FAT3: variants seen among roughly 807,000 people sequenced by gnomAD.
The protein encoded by FAT3 is protocadherin Fat 3.
In FAT3, 95 loss-of-function variants were observed where a neutral mutation model predicts 310.2. That is an observed-to-expected ratio of 0.31 (90% CI 0.26 to 0.36). The LOEUF (loss-of-function observed/expected upper bound fraction) is 0.36, where lower values mean the gene tolerates loss of function less well. Among genes scored for constraint, FAT3 ranks in the 10% least tolerant of loss-of-function variants. The pLI is 1.00. For missense variants in FAT3, 5,408 were observed against 5,715.6 expected (o/e 0.95, Z 1.74); for synonymous variants, 2,314 against 2,192.9 (o/e 1.06, Z -1.54).
At chr11:92,530,519 G>A (rs1954030483) in intron 3 of FAT3, among the ~76,000 whole-genome samples, 1 of 151,990 alleles carries the variant, frequency 6.6e-6, no homozygotes, top group Admixed American at 6.6e-5. Context: ...ATCAAGTGGA[G>A]AAAAATGAAA....
intron 3 of FAT3, among the ~76,000 whole-genome samples, chr11:92,671,001 C>G (rs577993831): frequency 7.9e-4 from 120 of 152,146 alleles, no homozygotes; most frequent in African/African-American, 2.7e-3. Flanking sequence ...GCCCTCCAGC[C>G]TCATCTGACA....
intron 4 of FAT3, among the ~76,000 whole-genome samples, chr11:92,697,763 G>T (rs1943983710): frequency 6.6e-6 from 1 of 152,144 alleles, no homozygotes; most frequent in African/African-American, 2.4e-5. Flanking sequence ...GTGAGCCACG[G>T]GGGCCACAGA....
chr11:92,871,093 T>A (rs1949378310), intron 22 of FAT3, among the ~76,000 whole-genome samples: 1 of 152,166 alleles, frequency 6.6e-6, no homozygotes, highest in East Asian at 1.9e-4. Flanking sequence ...AAGGTTATAG[T>A]GAGCTATGAC....
At chr11:92,680,507 A>G (rs1460647991) in intron 3 of FAT3, among the ~76,000 whole-genome samples, 2 of 152,216 alleles carry the variant, frequency 1.3e-5, no homozygotes, top group Admixed American at 6.5e-5. Flanking sequence ...TTGGTTTACT[A>G]TAACCTTGTA....
intron 4 of FAT3, among the ~76,000 whole-genome samples, chr11:92,738,757 C>T (rs147861412): frequency 1.3e-5 from 2 of 152,250 alleles, no homozygotes; most frequent in African/African-American, 4.8e-5. Context: ...CATGCTGAGT[C>T]TTGTATGGCT....
chr11:92,535,755 T>C (rs1222894267), intron 3 of FAT3, among the ~76,000 whole-genome samples: 1 of 152,152 alleles, frequency 6.6e-6, no homozygotes, highest in East Asian at 1.9e-4. Context: ...TCTAAGTCAT[T>C]GCATTACTAT....
chr11:92,784,273 T>C (rs1247968446), intron 7 of FAT3, among the ~76,000 whole-genome samples: 2 of 152,280 alleles, frequency 1.3e-5, no homozygotes, highest in Admixed American at 6.5e-5. Flanking sequence ...TTTCTACTTA[T>C]ACATTCAAAA....
chr11:92,284,420 A>G (rs754217498), intron 1 of FAT3, among the ~76,000 whole-genome samples: 5 of 152,108 alleles, frequency 3.3e-5, no homozygotes, highest in South Asian at 2.1e-4. Context: ...ATTACTACTC[A>G]CTAGTTTTTG....
chr11:92,282,825 G>T (rs1245000814), intron 1 of FAT3, among the ~76,000 whole-genome samples: 4 of 151,996 alleles, frequency 2.6e-5, no homozygotes, highest in Non-Finnish European at 2.9e-5. Context: ...CTCTGTAAAC[G>T]ATTGTTTACT....
At chr11:92,667,851 C>G (rs1418555518) in intron 3 of FAT3, among the ~76,000 whole-genome samples, 1 of 152,118 alleles carries the variant, frequency 6.6e-6, no homozygotes, top group Non-Finnish European at 1.5e-5. Context: ...TTCTTTTTTT[C>G]TACTGCCCAA....
chr11:92,360,993 T>G (rs1177202453), intron 2 of FAT3, among the ~76,000 whole-genome samples: 1 of 152,180 alleles, frequency 6.6e-6, no homozygotes, highest in Non-Finnish European at 1.5e-5. Context: ...ATTTGTCAGA[T>G]TTTTCTGGGT....
At chr11:92,845,418 G>A (rs1372527383) in intron 19 of FAT3, among the ~76,000 whole-genome samples, 1 of 152,292 alleles carries the variant, frequency 6.6e-6, no homozygotes, top group East Asian at 1.9e-4. Flanking sequence ...CCAAGGGTAA[G>A]GGCAGTTCGA....
At chr11:92,620,649 T>TA (rs141176140) in intron 3 of FAT3, among the ~76,000 whole-genome samples, 6 of 152,056 alleles carry the variant, frequency 3.9e-5, no homozygotes, top group South Asian at 2.1e-4. Context: ...CTTCCATTAT[T>TA]AAAAAAAATT....
At chr11:92,387,616 A>G (rs1949655330) in intron 2 of FAT3, among the ~76,000 whole-genome samples, 1 of 152,160 alleles carries the variant, frequency 6.6e-6, no homozygotes, top group Non-Finnish European at 1.5e-5. Flanking sequence ...TAAGTGACTA[A>G]GAAGGAATTA....
At chr11:92,265,698 G>A (rs1427533305) in intron 1 of FAT3, among the ~76,000 whole-genome samples, 2 of 152,052 alleles carry the variant, frequency 1.3e-5, no homozygotes, top group South Asian at 2.1e-4. Flanking sequence ...GTTATCTAGT[G>A]AGAGTCCATT....
chr11:92,706,353 A>G (rs1196601266), intron 4 of FAT3, among the ~76,000 whole-genome samples: 1 of 152,116 alleles, frequency 6.6e-6, no homozygotes, highest in African/African-American at 2.4e-5. Context: ...AACAGAGATT[A>G]CAAGATGCCA....
rs557147622 is a variant in FAT3 at position 92,336,326 on chromosome 11, C to T, written c.-17-15770C>T. On this transcript the variant is annotated intron_variant, in intron 1 of 27. Coordinates refer to ENST00000525166, the MANE Select transcript of FAT3 (RefSeq NM_001367949.2). The stretch of plus-strand genomic sequence containing the variant: ...AGTTTTTGTCCTCAGGATCTGGGTC[C>T]TCCTGCCAATGTACGGTCAGTTCCG... The T allele has an allele frequency of 2.1e-5, 9 of 436,984 alleles. No individual in the cohort carries two copies. In the East Asian group the frequency reaches 5.0e-4, roughly 24 times the overall value. 27.1% of individuals were successfully genotyped at this position (436,984 alleles called of 1,614,324 possible). A position where few individuals can be genotyped will look rare whatever the true frequency, so the allele number is the denominator to read the frequency against.
chr11:92,852,145 G>A (rs1201832925), intron 19 of FAT3, among the ~76,000 whole-genome samples: 4 of 152,110 alleles, frequency 2.6e-5, no homozygotes, highest in Admixed American at 2.0e-4. Flanking sequence ...ACATAACATT[G>A]TTCAGGGTTG....
intron 4 of FAT3, among the ~76,000 whole-genome samples, chr11:92,715,567 A>G (rs2135958733): frequency 6.6e-6 from 1 of 152,258 alleles, no homozygotes; most frequent in South Asian, 2.1e-4. Context: ...GTGCATGCAC[A>G]CACACATACA....
Sources: gnomAD v4.1 joint callset for allele counts (sites outside exome capture counted in the v4.1 genomes callset) on GRCh38, gnomAD v4.1.1 for gene constraint, MANE v1.5 for transcripts, NCBI Gene and HGNC (gene_info 2026-07-23, HGNC 2026-07-21) for gene names.